Variants in GGT5 observed in about 807,000 individuals in gnomAD.
GGT5 encodes the protein gamma-glutamyltransferase 5, also known as glutathione hydrolase 5 proenzyme.
A neutral mutation model predicts 58.1 loss-of-function variants in GGT5; 50 were observed. That is an observed-to-expected ratio of 0.86 (90% CI 0.69 to 1.09). GGT5 has a LOEUF of 1.09. Among genes scored for constraint, GGT5 ranks in the 50% least tolerant of loss-of-function variants. GGT5 has a pLI of 0.00. For missense variants in GGT5, 800 were observed against 789.4 expected, an observed-to-expected ratio of 1.01 and a Z score of -0.16; for synonymous variants, 370 against 346.1, an observed-to-expected ratio of 1.07 and a Z score of -0.77.
intron 8 of GGT5, 44 bp from the exon 9 acceptor site, chr22:24,225,696 T>G: frequency 1.7e-6 from 2 of 1,197,158 alleles, no homozygotes; most frequent in Non-Finnish European, 1.2e-6. Flanking sequence ...GACCCGGGGC[T>G]CCCACCAGAC....
At position 24,219,835 on chromosome 22, in the gene GGT5, C is replaced by T. The variant is rs2047536469; in HGVS notation, c.*135G>A. On this transcript the variant is annotated 3_prime_UTR_variant, in exon 12 of 12. Coordinates refer to ENST00000327365, the MANE Select transcript of GGT5 (RefSeq NM_004121.5). Reference sequence around the variant, plus strand: ...TCTCATCTGCCCAGCTGGTCCCCGCCACCTCTTCCACTCTCAGCTGGACTC... The same window carrying T: ...TCTCATCTGCCCAGCTGGTCCCCGCTACCTCTTCCACTCTCAGCTGGACTC... The T allele has an allele frequency of 4.9e-6, 4 of 813,974 alleles. No individual in the cohort carries two copies. The highest frequency in any genetic ancestry group is 3.4e-5 in the African/African-American group (2 of 58,184). The allele number at this position is 813,974 out of a possible 1,614,324, so 50.4% of individuals were successfully genotyped here.
At chr22:24,236,727 C>A (rs1470489927) in intron 1 of GGT5, among the ~76,000 whole-genome samples, 3 of 148,266 alleles carry the variant, frequency 2.0e-5, no homozygotes, top group African/African-American at 7.5e-5. Context: ...TGTACCACTG[C>A]ACTCCAGCCT....
At chr22:24,234,469 A>G (rs979158974) in intron 1 of GGT5, among the ~76,000 whole-genome samples, 1 of 152,184 alleles carries the variant, frequency 6.6e-6, no homozygotes, top group Non-Finnish European at 1.5e-5. Context: ...CCAGCAGGGC[A>G]TAGGGCTTGA....
chr22:24,228,067 CAAAACA>C (rs2047826292), intron 6 of GGT5, among the ~76,000 whole-genome samples: 2 of 88,242 alleles, frequency 2.3e-5, no homozygotes, highest in African/African-American at 9.2e-5. Flanking sequence ...AAAAAAAAAA[CAAAACA>C]AAAAAAAAAA....
rs1248156318 is a variant in GGT5 at position 24,231,395 on chromosome 22, T to C, written c.890A>G (p.Asn297Ser). 1 of 1,549,620 alleles carries C rather than the reference T, an allele frequency of 6.5e-7. No homozygotes were observed. The highest frequency in any genetic ancestry group is 2.0e-5 in the Admixed American group (1 of 51,118). The change falls in exon 6 of 12, where the codon AAC (asparagine) becomes AGC (serine). Residue 297 changes from asparagine (N) to serine (S), a missense_variant. By Grantham distance (46) the Asn-to-Ser change is conservative. Transcript: ENST00000327365. ...AGGAILSFIL[N>S]VLRGFNFSTE... ...GGCAGGGGCTTTACCTCTTAGCACG[T>C]TGAGGATAAAGCTGAGAATGGCACC...
At chr22:24,224,415 G>A (rs2047687383) in intron 11 of GGT5, among the ~76,000 whole-genome samples, 1 of 151,942 alleles carries the variant, frequency 6.6e-6, no homozygotes, top group South Asian at 2.1e-4. Flanking sequence ...TTCCTTGGGA[G>A]CCTGAGGAGG....
chr22:24,226,348 C>A, intron 7 of GGT5, 82 bp from the exon 8 acceptor site: 1 of 1,104,358 alleles, frequency 9.1e-7, no homozygotes, highest in Non-Finnish European at 1.3e-6. Flanking sequence ...GATCAGCCCC[C>A]ATGGGGGCCA....
chr22:24,224,911 C>A (rs1404175853), intron 11 of GGT5, 85 bp downstream of exon 11: 18 of 849,224 alleles, frequency 2.1e-5, no homozygotes, highest in Non-Finnish European at 3.3e-5. Flanking sequence ...ATCTCAGTGA[C>A]TGAGTTCCTC....
At chr22:24,230,354 T>A (rs1484395163) in intron 6 of GGT5, among the ~76,000 whole-genome samples, 3 of 148,538 alleles carry the variant, frequency 2.0e-5, no homozygotes, top group Non-Finnish European at 4.4e-5. Flanking sequence ...GGTGACAGAT[T>A]GAGACTCTGT....
At chr22:24,234,374 C>T (rs1002792009) in intron 1 of GGT5, among the ~76,000 whole-genome samples, 1 of 152,216 alleles carries the variant, frequency 6.6e-6, no homozygotes, top group African/African-American at 2.4e-5. Context: ...CACCCTGGGA[C>T]TCCACTCCCC....
At position 24,231,465 on chromosome 22, in the gene GGT5, G is replaced by A; in HGVS notation, c.820C>T (p.Pro274Ser). ...QPEVVDALEVPLGDYTLYSPP... is the reference protein window; with the variant it reads ...QPEVVDALEVSLGDYTLYSPP... The stretch of plus-strand genomic sequence containing the variant: ...GAGTACAGGGTATAGTCCCCCAGGG[G>A]CACCTCCAGGGCATCCACCACCTCG... Residue 274 changes from proline to serine, a missense_variant, in exon 6 of 12, where the codon CCC becomes TCC. By Grantham distance (74) the Pro-to-Ser change is moderately conservative (BLOSUM62 -1). Coordinates refer to ENST00000327365, the MANE Select transcript of GGT5 (RefSeq NM_004121.5). 2 of 1,574,904 alleles carry A rather than the reference G, an allele frequency of 1.3e-6. No individual in the cohort carries two copies. The highest frequency in any genetic ancestry group is 1.8e-5 in the Admixed American group (1 of 54,688).
At position 24,232,105 on chromosome 22, in the gene GGT5, C is replaced by T; in HGVS notation, c.700G>A (p.Val234Ile). The change falls in exon 5 of 12, where the codon GTC becomes ATC. Residue 234 changes from valine to isoleucine, a missense_variant. Coordinates refer to ENST00000327365, the MANE Select transcript of GGT5 (RefSeq NM_004121.5). ...LETVATEGVE[V>I]FYTGRLGQML... ...TGGCCCAGCCTCCCCGTGTAGAAGA[C>T]CTCCACGCCCTCTGTGGCCACGGTC... is the stretch of plus-strand genomic sequence containing the variant. The T allele has an allele frequency of 1.2e-6, 2 of 1,612,366 alleles. No homozygotes were observed. The highest frequency in any genetic ancestry group is 1.7e-4 in the Middle Eastern group (1 of 6,052).
At chr22:24,241,365 G>C (rs2048324625) in intron 1 of GGT5, 1 of 152,218 alleles carries the variant, frequency 6.6e-6, no homozygotes, top group Non-Finnish European at 1.5e-5. Flanking sequence ...TCAGGTAAGA[G>C]TTGATCTCGA....
At chr22:24,240,164 C>T (rs1237255276) in intron 1 of GGT5, among the ~76,000 whole-genome samples, 2 of 152,166 alleles carry the variant, frequency 1.3e-5, no homozygotes, top group Non-Finnish European at 2.9e-5. Context: ...ATGTTGTAAG[C>T]TCTAAAATAA....
At chr22:24,231,334 G>T in intron 6 of GGT5, 50 bp downstream of exon 6, 3 of 1,349,052 alleles carry the variant, frequency 2.2e-6, no homozygotes, top group Non-Finnish European at 3.1e-6. Flanking sequence ...CCCGGGGGCC[G>T]GGGGTGCGGG....
Position 24,231,404 on chromosome 22 carries a change from A to C in GGT5, c.881T>G (p.Phe294Cys). 6.4e-7 allele frequency: 1 copy of C among 1,551,730 alleles called. No individual in the cohort carries two copies. Among genetic ancestry groups the C allele is most frequent in the Non-Finnish European group, 8.7e-7 (1 of 1,147,632 alleles). ...TTTACCTCTTAGCACGTTGAGGATA[A>C]AGCTGAGAATGGCACCCCCTGCAGG... ...PPPAGGAILS[F>C]ILNVLRGFNF... The change falls in exon 6 of 12, where the codon TTT (phenylalanine) becomes TGT (cysteine). Residue 294 changes from phenylalanine (F) to cysteine (C), a missense_variant. Phe to Cys is a radical substitution (Grantham distance 205). Coordinates refer to ENST00000327365, the MANE Select transcript of GGT5 (RefSeq NM_004121.5).
upstream of GGT5, chr22:24,245,140 G>A (rs1323986938): frequency 1.0e-5 from 2 of 193,810 alleles, no homozygotes; most frequent in African/African-American, 2.3e-5. Context: ...AGGAGGCCAG[G>A]CAGCAAAGCG....
Position 24,233,540 on chromosome 22 carries a change from T to G in GGT5, c.358A>C (p.Ser120Arg), listed in dbSNP as rs1670781010. 1 of 1,609,700 alleles carries G rather than the reference T, an allele frequency of 6.2e-7. No homozygotes were observed. The highest frequency in any genetic ancestry group is 8.5e-7 in the Non-Finnish European group (1 of 1,179,274). Residue 120 changes from serine (S) to arginine (R), a missense_variant, in exon 3 of 12, where the codon AGC (serine) becomes CGC (arginine). Transcript: ENST00000327365. ...RETVPASHAP[S>R]LLDQCAQALP... ...GCCTGTGCACACTGGTCCAGCAGGC[T>G]CGGGGCGTGGCTGGCCGGCACCGTC...
chr22:24,234,048 TGCCTCCCCACCAG>T (rs1246534167), intron 1 of GGT5, 44 bp from the exon 2 acceptor site: 1 of 1,550,758 alleles, frequency 6.4e-7, no homozygotes, highest in Admixed American at 1.9e-5. Flanking sequence ...CCCCTCCCCC[TGCCTCCCCACCAG>T]GCTTGCTCAG....
Sources: gnomAD v4.1 joint callset for allele counts (sites outside exome capture counted in the v4.1 genomes callset) on GRCh38, gnomAD v4.1.1 for gene constraint, MANE v1.5 for transcripts, NCBI Gene and HGNC (gene_info 2026-07-23, HGNC 2026-07-21) for gene names.